ADK: variants seen among roughly 807,000 people sequenced by gnomAD.
The protein encoded by ADK is N6,N6-dimethyladenosine kinase.
In ADK, 24 loss-of-function variants were observed where a neutral mutation model predicts 44.7. That is an observed-to-expected ratio of 0.54 (90% CI 0.39 to 0.76). The LOEUF is 0.76. ADK is among the 30% of genes least tolerant of loss of function. ADK has a pLI of 0.00. For missense variants in ADK, 321 were observed against 425.1 expected, an observed-to-expected ratio of 0.76 and a Z score of 2.15; for synonymous variants, 128 against 142.6, an observed-to-expected ratio of 0.90 and a Z score of 0.73.
chr10:74,661,349 C>T, intron 9 of ADK: 1 of 905,170 alleles, frequency 1.1e-6, no homozygotes. Flanking sequence ...ACTTCTCTTT[C>T]ATTCATTTGT....
chr10:74,313,863 TG>T (rs1437906230), intron 3 of ADK, among the ~76,000 whole-genome samples: 1 of 151,956 alleles, frequency 6.6e-6, no homozygotes, highest in African/African-American at 2.4e-5. Flanking sequence ...TCTACTTTTT[TG>T]GTCTTTTTAA....
At chr10:74,198,088 C>T (rs1297255263) in intron 1 of ADK, among the ~76,000 whole-genome samples, 2 of 152,090 alleles carry the variant, frequency 1.3e-5, no homozygotes, top group African/African-American at 4.8e-5. Flanking sequence ...CCAAGTAGCC[C>T]AATAACACTG....
intron 9 of ADK, among the ~76,000 whole-genome samples, chr10:74,630,800 CTG>C (rs1206297501): frequency 6.6e-6 from 1 of 152,084 alleles, no homozygotes; most frequent in Non-Finnish European, 1.5e-5. Flanking sequence ...ATAATTATTA[CTG>C]TGGTATTAGC....
At chr10:74,422,128 T>C (rs753008440) in intron 6 of ADK, among the ~76,000 whole-genome samples, 63 of 152,304 alleles carry the variant, frequency 4.1e-4, no homozygotes, top group Non-Finnish European at 7.4e-4. Context: ...ACAACTATGT[T>C]AACTAAGTGA....
At chr10:74,297,039 G>A (rs1839843562) in intron 3 of ADK, among the ~76,000 whole-genome samples, 2 of 152,152 alleles carry the variant, frequency 1.3e-5, no homozygotes, top group Admixed American at 6.5e-5. Flanking sequence ...GCTACCCAAT[G>A]GAAAACTATG....
chr10:74,361,774 G>T (rs1246712620), intron 4 of ADK, among the ~76,000 whole-genome samples: 1 of 152,094 alleles, frequency 6.6e-6, no homozygotes, highest in African/African-American at 2.4e-5. Context: ...CTCAGCTTTT[G>T]TTTGTCTAAG....
At chr10:74,196,215 T>TATGTTGC (rs1048970382) in intron 1 of ADK, among the ~76,000 whole-genome samples, 7 of 152,160 alleles carry the variant, frequency 4.6e-5, no homozygotes, top group Non-Finnish European at 8.8e-5. Context: ...CATCAGGGTC[T>TATGTTGC]ATGTTGCATA....
intron 1 of ADK, among the ~76,000 whole-genome samples, chr10:74,154,651 T>G (rs1019990246): frequency 1.3e-5 from 2 of 152,198 alleles, no homozygotes; most frequent in African/African-American, 4.8e-5. Context: ...TATACCAAAC[T>G]AAATTATCTG....
At chr10:74,630,391 TC>T (rs1180632281) in intron 9 of ADK, among the ~76,000 whole-genome samples, 1 of 152,060 alleles carries the variant, frequency 6.6e-6, no homozygotes, top group Non-Finnish European at 1.5e-5. Flanking sequence ...GTAATCATAT[TC>T]TTTTATTCTG....
chr10:74,329,072 T>C (rs372881085), intron 4 of ADK, among the ~76,000 whole-genome samples: 4 of 17,826 alleles, frequency 2.2e-4, no homozygotes, highest in African/African-American at 1.0e-3. Context: ...TAAAATAAAA[T>C]AAAAATAAAA....
At chr10:74,164,150 A>T (rs930556685) in intron 1 of ADK, among the ~76,000 whole-genome samples, 2 of 152,354 alleles carry the variant, frequency 1.3e-5, no homozygotes, top group Non-Finnish European at 2.9e-5. Context: ...GTTCATCCAA[A>T]TGTATTAAAT....
intron 6 of ADK, among the ~76,000 whole-genome samples, chr10:74,461,242 CAATA>C: frequency 6.6e-6 from 1 of 152,098 alleles, no homozygotes; most frequent in Non-Finnish European, 1.5e-5. Flanking sequence ...TAGCAGAAAG[CAATA>C]AATATAGTTC....
At chr10:74,175,235 T>G (rs1399760435) in intron 1 of ADK, among the ~76,000 whole-genome samples, 1 of 151,884 alleles carries the variant, frequency 6.6e-6, no homozygotes, top group African/African-American at 2.4e-5. Context: ...ACAAAAAAAT[T>G]TAGCCAGGTA....
At chr10:74,188,767 T>C (rs556772922) in intron 1 of ADK, among the ~76,000 whole-genome samples, 4 of 151,964 alleles carry the variant, frequency 2.6e-5, no homozygotes, top group Non-Finnish European at 5.9e-5. Context: ...TTTCATTTCA[T>C]TCATTCATTC....
At chr10:74,429,141 T>C (rs1844896350) in intron 6 of ADK, among the ~76,000 whole-genome samples, 1 of 152,248 alleles carries the variant, frequency 6.6e-6, no homozygotes, top group African/African-American at 2.4e-5. Flanking sequence ...TAAATTGTCC[T>C]AAAGTTACAG....
chr10:74,372,278 A>T, intron 4 of ADK: 2 of 762,042 alleles, frequency 2.6e-6, no homozygotes, highest in South Asian at 2.7e-5. Context: ...ACTGGTCTGA[A>T]GGTGTGCAGG....
At chr10:74,193,628 G>GA (rs1191624404) in intron 1 of ADK, among the ~76,000 whole-genome samples, 4 of 151,816 alleles carry the variant, frequency 2.6e-5, no homozygotes, top group Non-Finnish European at 5.9e-5. Flanking sequence ...CTATTAAAAA[G>GA]AAAAAAATTA....
intron 6 of ADK, among the ~76,000 whole-genome samples, chr10:74,518,987 A>G (rs547904040): frequency 6.6e-6 from 1 of 151,846 alleles, no homozygotes; most frequent in African/African-American, 2.4e-5. Flanking sequence ...TATTCTCTGG[A>G]GTGGTGCTAT....
At chr10:74,347,719 T>G (rs1378156590) in intron 4 of ADK, among the ~76,000 whole-genome samples, 2 of 152,016 alleles carry the variant, frequency 1.3e-5, no homozygotes, top group Non-Finnish European at 1.5e-5. Flanking sequence ...CTTGGACCAT[T>G]GGGCTTGGTA....
Sources: gnomAD v4.1 joint callset for allele counts (sites outside exome capture counted in the v4.1 genomes callset) on GRCh38, gnomAD v4.1.1 for gene constraint, MANE v1.5 for transcripts, NCBI Gene and HGNC (gene_info 2026-07-23, HGNC 2026-07-21) for gene names.